CCDC149: variants seen among roughly 807,000 people sequenced by gnomAD.
CCDC149 encodes the protein coiled-coil domain containing 149, also known as coiled-coil domain-containing protein 149.
CCDC149 carries 45 observed loss-of-function variants against 59.9 expected under a neutral mutation model. That is an observed-to-expected ratio of 0.75 (90% confidence interval 0.59 to 0.96). CCDC149 has a LOEUF of 0.96. Ranked by LOEUF, CCDC149 falls within the 40% of genes least tolerant of loss-of-function variation. CCDC149 has a pLI of 0.00. For synonymous variants in CCDC149, 245 were observed against 260.6 expected (o/e 0.94, Z 0.58); for missense variants, 584 against 664.7 (o/e 0.88, Z 1.33).
At chr4:24,967,499 C>T (rs998993647) in intron 1 of CCDC149, among the ~76,000 whole-genome samples, 2 of 152,058 alleles carry the variant, frequency 1.3e-5, no homozygotes, top group Non-Finnish European at 2.9e-5. Context: ...AGAACTGGGA[C>T]AGTACCACTA....
intron 1 of CCDC149, among the ~76,000 whole-genome samples, chr4:24,884,624 G>A (rs1490972815): frequency 2.0e-5 from 3 of 152,200 alleles, no homozygotes; most frequent in Non-Finnish European, 2.9e-5. Flanking sequence ...GAACACGGCA[G>A]GAGGAGCTGA....
Position 24,808,564 on chromosome 4 carries a change from T to C in CCDC149, c.1448A>G (p.Glu483Gly), listed in dbSNP as rs1714370310. Residue 483 changes from glutamate (E) to glycine (G), a missense_variant, in exon 13 of 13, where the codon GAA becomes GGA. Physicochemically the swap from Glu to Gly is moderately conservative, Grantham distance 98. Transcript: ENST00000635206. ...TGGCCCCGTCTCACTCCTCTGACCT[T>C]CTATGGGACTCTCTCTTCTGACCTC... 2 of 1,551,692 alleles carry C rather than the reference T, an allele frequency of 1.3e-6. No individual in the cohort carries two copies. Among genetic ancestry groups the C allele is most frequent in the Non-Finnish European group, 1.7e-6 (2 of 1,146,954 alleles).
At chr4:24,827,135 G>A (rs775594098) in intron 9 of CCDC149, 5 of 152,182 alleles carry the variant, frequency 3.3e-5, no homozygotes, top group Non-Finnish European at 7.3e-5. Flanking sequence ...AGTCTGTGAT[G>A]AGGAGTCTGT....
intron 1 of CCDC149, among the ~76,000 whole-genome samples, chr4:24,968,727 T>C (rs907525848): frequency 2.0e-5 from 3 of 152,208 alleles, no homozygotes; most frequent in Admixed American, 6.5e-5. Context: ...GAATAGCCTA[T>C]TGGGCAGTAT....
At chr4:24,953,712 C>A (rs1343251504) in intron 1 of CCDC149, among the ~76,000 whole-genome samples, 1 of 152,092 alleles carries the variant, frequency 6.6e-6, no homozygotes, top group East Asian at 1.9e-4. Context: ...CTGAAAAAGA[C>A]CTGATGCCAG....
chr4:24,835,886 T>C (rs1052253748), intron 7 of CCDC149, among the ~76,000 whole-genome samples: 4 of 152,128 alleles, frequency 2.6e-5, no homozygotes, highest in African/African-American at 9.7e-5. Context: ...ACAACTAACA[T>C]CTGCAGAAAT....
chr4:24,845,639 C>A (rs773738896), intron 4 of CCDC149, among the ~76,000 whole-genome samples: 1 of 152,184 alleles, frequency 6.6e-6, no homozygotes, highest in Non-Finnish European at 1.5e-5. Flanking sequence ...TCCACTAGAA[C>A]GAAACTCCCA....
At chr4:24,964,264 C>T (rs1723733386) in intron 1 of CCDC149, among the ~76,000 whole-genome samples, 1 of 149,346 alleles carries the variant, frequency 6.7e-6, no homozygotes, top group South Asian at 2.1e-4. Flanking sequence ...AATAAAAAGT[C>T]CACTGTATGG....
intron 9 of CCDC149, among the ~76,000 whole-genome samples, chr4:24,826,580 G>A (rs1049105413): frequency 7.9e-5 from 12 of 152,184 alleles, no homozygotes; most frequent in African/African-American, 2.2e-4. Flanking sequence ...CAGAGGATGC[G>A]AAGTCAGAAG....
intron 12 of CCDC149, among the ~76,000 whole-genome samples, chr4:24,812,246 C>A (rs1714660521): frequency 6.6e-6 from 1 of 152,208 alleles, no homozygotes; most frequent in African/African-American, 2.4e-5. Context: ...CAATATTCAA[C>A]CTCCTACATA....
chr4:24,872,946 A>G (rs1219085111), intron 3 of CCDC149, among the ~76,000 whole-genome samples: 1 of 150,790 alleles, frequency 6.6e-6, no homozygotes, highest in Non-Finnish European at 1.5e-5. Context: ...CCCATAGAAC[A>G]GTATGACCCA....
intron 1 of CCDC149, among the ~76,000 whole-genome samples, chr4:24,926,714 G>A (rs919186917): frequency 3.3e-5 from 5 of 152,202 alleles, no homozygotes; most frequent in South Asian, 2.1e-4. Flanking sequence ...GCGTAACAGG[G>A]AAAGCTTGTC....
chr4:24,862,422 G>C (rs1458876891), intron 3 of CCDC149, among the ~76,000 whole-genome samples: 1 of 152,182 alleles, frequency 6.6e-6, no homozygotes, highest in African/African-American at 2.4e-5. Context: ...ATCCCCTGCT[G>C]GTCAGCATTT....
Position 24,971,996 on chromosome 4 carries a change from T to G in CCDC149, c.-65+8073A>C, listed in dbSNP as rs181940992. On this transcript the variant is annotated intron_variant, in intron 1 of 12. Coordinates refer to the CCDC149 transcript ENST00000389609. ...ATGACTTGGAAGCTCTCACTTCCAGTTGTCCCACCTTTCCAGAACCAACCA... is the reference window on the plus strand; with the variant it reads ...ATGACTTGGAAGCTCTCACTTCCAGGTGTCCCACCTTTCCAGAACCAACCA... 2.0e-3 allele frequency among the ~76,000 whole-genome samples: 305 copies of G among 152,366 alleles called. 8 individuals carry two copies. In the South Asian group the frequency reaches 0.049, roughly 24 times the overall value.
intron 1 of CCDC149, among the ~76,000 whole-genome samples, chr4:24,906,606 C>T (rs1040780916): frequency 2.0e-5 from 3 of 151,864 alleles, no homozygotes; most frequent in Non-Finnish European, 2.9e-5. Context: ...CCATGTTGGC[C>T]GGGCTGGTCT....
chr4:24,916,310 G>A (rs893618107), upstream of CCDC149, among the ~76,000 whole-genome samples: 1 of 152,172 alleles, frequency 6.6e-6, no homozygotes, highest in Non-Finnish European at 1.5e-5. Context: ...TTAAAAGTTT[G>A]AGAGGGTTTT....
intron 1 of CCDC149, among the ~76,000 whole-genome samples, chr4:24,908,426 G>A (rs1272991911): frequency 1.1e-4 from 17 of 151,974 alleles, no homozygotes; most frequent in East Asian, 3.9e-4. Flanking sequence ...GGCCAGGCAC[G>A]GTGGCTCATG....
At chr4:24,906,183 T>C (rs79711558) in intron 1 of CCDC149, among the ~76,000 whole-genome samples, 21,122 of 151,988 alleles carry the variant, frequency 0.14, 1,579 homozygotes, top group East Asian at 0.21. Flanking sequence ...GCTTAGACTT[T>C]ACCCTAACAA....
upstream of CCDC149, among the ~76,000 whole-genome samples, chr4:24,916,335 C>T (rs539004596): frequency 4.9e-4 from 74 of 152,196 alleles, no homozygotes; most frequent in African/African-American, 1.8e-3. Context: ...ATGGAAACTC[C>T]AAAATAGCTT....
Sources: allele counts gnomAD v4.1 joint callset (sites outside exome capture counted in the v4.1 genomes callset), GRCh38; gene constraint gnomAD v4.1.1; transcripts MANE v1.5; gene names NCBI Gene and HGNC (gene_info 2026-07-23, HGNC 2026-07-21).